CNOT1: variants seen among roughly 807,000 people sequenced by gnomAD.
CNOT1 encodes the protein CCR4-associated factor 1.
CNOT1 carries 15 observed loss-of-function variants against 273.8 expected under a neutral mutation model. The observed-to-expected ratio is 0.05, with a 90% CI of 0.04 to 0.08. The LOEUF is 0.08. Among genes scored for constraint, CNOT1 ranks in the 10% least tolerant of loss-of-function variants. CNOT1 has a pLI of 1.00. For synonymous variants in CNOT1, 1,022 were observed against 1,005.5 expected, an observed-to-expected ratio of 1.02 and a Z score of -0.31; for missense variants, 1,644 against 2,912.2, an observed-to-expected ratio of 0.56 and a Z score of 10.02.
chr16:58,529,830 G>C (rs1247423086), intron 43 of CNOT1, among the ~76,000 whole-genome samples: 2 of 107,496 alleles, frequency 1.9e-5, no homozygotes, highest in African/African-American at 7.2e-5. Context: ...TTCAGAGTGA[G>C]ACTCTGTCTC....
At chr16:58,563,018 A>G (rs529232816) in intron 16 of CNOT1, among the ~76,000 whole-genome samples, 46 of 152,352 alleles carry the variant, frequency 3.0e-4, no homozygotes, top group African/African-American at 1.1e-3. Flanking sequence ...TTAAATCAAT[A>G]GAGAAAAATC....
At chr16:58,540,567 AAT>A (rs2040062189) in intron 34 of CNOT1, among the ~76,000 whole-genome samples, 1 of 152,228 alleles carries the variant, frequency 6.6e-6, no homozygotes, top group African/African-American at 2.4e-5. Flanking sequence ...AGACTTTAAA[AAT>A]ATGACAACTG....
At chr16:58,560,580 T>C (rs2040801516) in intron 16 of CNOT1, among the ~76,000 whole-genome samples, 1 of 152,096 alleles carries the variant, frequency 6.6e-6, no homozygotes, top group Admixed American at 6.6e-5. Flanking sequence ...GATTTTCTAA[T>C]AAAGAAACTT....
At position 58,541,537 on chromosome 16, in the gene CNOT1, T is replaced by G; in HGVS notation, c.4764A>C (p.Leu1588Phe). The G allele has an allele frequency of 1.2e-6, 2 of 1,614,044 alleles. No individual in the cohort carries two copies. Among genetic ancestry groups the G allele is most frequent in the Non-Finnish European group, 1.7e-6 (2 of 1,179,902 alleles). ...NVPGFLPTND[L>F]SQPTGFLAQP... ...GGGCTAAAAATCCCGTGGGCTGACTTAAGTCATTTGTAGGTAAGAAGCCAG... is the reference window on the plus strand; with the variant it reads ...GGGCTAAAAATCCCGTGGGCTGACTGAAGTCATTTGTAGGTAAGAAGCCAG... Residue 1588 changes from leucine to phenylalanine, a missense_variant, in exon 34 of 49, where the codon TTA becomes TTC. Leu to Phe is a conservative substitution (Grantham distance 22). This residue lies in a region of CNOT1 where 170 missense variants were observed against 273.1 expected (regional missense o/e 0.62). Transcript: ENST00000317147.
chr16:58,528,409 C>CT (rs1274911174), intron 44 of CNOT1, 66 bp downstream of exon 44: 15 of 1,135,440 alleles, frequency 1.3e-5, no homozygotes, highest in Non-Finnish European at 2.7e-6. Flanking sequence ...GCTGAACAGT[C>CT]TACTTATCAG....
chr16:58,538,690 A>C, intron 36 of CNOT1, 82 bp downstream of exon 36: 1 of 1,547,902 alleles, frequency 6.5e-7, no homozygotes. Flanking sequence ...AAAAAGGGAA[A>C]CCCCTGGACA....
At chr16:58,627,403 CA>C (rs754338444) in intron 1 of CNOT1, among the ~76,000 whole-genome samples, 1,176 of 65,020 alleles carry the variant, frequency 0.018, 4 homozygotes, top group Middle Eastern at 0.056. Flanking sequence ...GACTCCATCT[CA>C]AAAAAAAAAA....
chr16:58,584,029 A>G (rs112974366), intron 8 of CNOT1, among the ~76,000 whole-genome samples: 54,466 of 150,952 alleles, frequency 0.36, 10,853 homozygotes, highest in Non-Finnish European at 0.46. Context: ...TTATCTAGGC[A>G]TGGTGGCGCT....
intron 14 of CNOT1, among the ~76,000 whole-genome samples, chr16:58,575,508 T>C (rs1597490558): frequency 6.6e-6 from 1 of 152,208 alleles, no homozygotes; most frequent in Admixed American, 6.5e-5. Flanking sequence ...ATTAATAATA[T>C]AGAGTCTAGG....
At chr16:58,613,964 C>T (rs1253822532) in intron 1 of CNOT1, among the ~76,000 whole-genome samples, 1 of 118,332 alleles carries the variant, frequency 8.5e-6, no homozygotes, top group Non-Finnish European at 2.0e-5. Flanking sequence ...TGGTGGCGGG[C>T]ACCTGTAGTC....
intron 3 of CNOT1, 41 bp from the exon 4 acceptor site, chr16:58,587,919 A>C: frequency 1.3e-6 from 2 of 1,564,420 alleles, no homozygotes; most frequent in Non-Finnish European, 1.7e-6. Flanking sequence ...ACTAATCATC[A>C]TCTAAGAACA....
chr16:58,601,683 T>C (rs1219289201), intron 1 of CNOT1, among the ~76,000 whole-genome samples: 19 of 144,418 alleles, frequency 1.3e-4, no homozygotes, highest in Non-Finnish European at 1.5e-5. Flanking sequence ...ATACATAGTT[T>C]TATGTACACA....
rs763098490 is a variant in CNOT1 at position 58,553,788 on chromosome 16, T to C, written c.2964A>G (p.Leu988=). 1.6e-5 allele frequency: 26 copies of C among 1,611,886 alleles called. No individual in the cohort carries two copies. Among genetic ancestry groups the C allele is most frequent in the East Asian group, 2.2e-5 (1 of 44,556 alleles). The change falls in exon 22 of 49, where the codon TTA becomes TTG. Residue 988 remains leucine (L), a synonymous_variant. Coordinates refer to ENST00000317147, the MANE Select transcript of CNOT1 (RefSeq NM_016284.5). ...ISHFMQFPHH[L]QEYIEYGQQS... is the part of the protein sequence containing the mutation. Reference sequence around the variant, plus strand: ...AGTTACAGAGGGCACTTACCTCCTGTAAATGATGTGGAAATTGCATAAAGT... The same window carrying C: ...AGTTACAGAGGGCACTTACCTCCTGCAAATGATGTGGAAATTGCATAAAGT...
intron 1 of CNOT1, among the ~76,000 whole-genome samples, chr16:58,614,161 T>C (rs144168204): frequency 0.014 from 1,727 of 122,834 alleles, 439 homozygotes; most frequent in Non-Finnish European, 0.021. Context: ...CTTTGCATAT[T>C]CCAAGACTCT....
At chr16:58,546,068 T>C (rs534454752) in intron 29 of CNOT1, among the ~76,000 whole-genome samples, 2 of 152,198 alleles carry the variant, frequency 1.3e-5, no homozygotes, top group East Asian at 3.9e-4. Flanking sequence ...CTGGCCTAGC[T>C]GGGGTATGAG....
chr16:58,564,730 G>C (rs2040979882), intron 16 of CNOT1, among the ~76,000 whole-genome samples: 1 of 152,076 alleles, frequency 6.6e-6, no homozygotes, highest in Admixed American at 6.6e-5. Flanking sequence ...AGGAGTTTGA[G>C]ACCAGCCTGG....
At chr16:58,534,698 A>C (rs2039872748) in intron 39 of CNOT1, among the ~76,000 whole-genome samples, 1 of 152,216 alleles carries the variant, frequency 6.6e-6, no homozygotes, top group South Asian at 2.1e-4. Flanking sequence ...CAAATAAAAC[A>C]AACTGTTCGT....
chr16:58,556,560 G>C lies in CNOT1; in HGVS notation c.2479+287C>G, dbSNP rs75761489. Among the ~76,000 whole-genome samples, 603 of 152,230 alleles carry C rather than the reference G, an allele frequency of 4.0e-3. 7 individuals are homozygous for C. The highest frequency in any genetic ancestry group is 0.012 in the East Asian group (60 of 5,186). Reference sequence around the variant, plus strand: ...TTAAAAAAAACTCAACACATGTTTAGGTTAAGTTCAAGAGTTACATTCGTA... The same window carrying C: ...TTAAAAAAAACTCAACACATGTTTACGTTAAGTTCAAGAGTTACATTCGTA... On this transcript the variant is annotated intron_variant, in intron 19 of 48. Transcript: ENST00000317147.
chr16:58,538,070 C>T lies in CNOT1; in HGVS notation c.5245-10G>A, dbSNP rs368120465. The T allele has an allele frequency of 1.4e-4, 233 of 1,614,078 alleles. No homozygotes were observed. Among genetic ancestry groups the T allele is most frequent in the Non-Finnish European group, 1.8e-4 (214 of 1,180,030 alleles). ...AGCCATTCTCCATTGACTGGCAACACAGAAAACATAATGTGAGAGGGAAAA... is the reference window on the plus strand; with the variant it reads ...AGCCATTCTCCATTGACTGGCAACATAGAAAACATAATGTGAGAGGGAAAA... On this transcript the variant is annotated splice_polypyrimidine_tract_variant and intron_variant, in intron 37 of 48. Coordinates refer to ENST00000317147, the MANE Select transcript of CNOT1 (RefSeq NM_016284.5).
Sources: gnomAD v4.1 joint callset for allele counts (sites outside exome capture counted in the v4.1 genomes callset) on GRCh38, gnomAD v4.1.1 for gene constraint, gnomAD v4.1.1 regional missense constraint, MANE v1.5 for transcripts, NCBI Gene and HGNC (gene_info 2026-07-23, HGNC 2026-07-21) for gene names.